Variants in ADGRB3 observed in about 807,000 individuals in gnomAD.
ADGRB3 encodes brain-specific angiogenesis inhibitor 3.
Under a neutral mutation model 193.4 loss-of-function variants are expected in ADGRB3, and 37 were observed. The ratio of observed to expected loss-of-function variants is 0.19; its 90% CI spans 0.15 to 0.25. ADGRB3 has a LOEUF of 0.25. ADGRB3 is among the 10% of genes least tolerant of loss of function. The pLI is 1.00. For synonymous variants in ADGRB3, 690 were observed against 644.2 expected (o/e 1.07, Z -1.08); for missense variants, 1,637 against 1,852.9 (o/e 0.88, Z 2.14).
intron 3 of ADGRB3, among the ~76,000 whole-genome samples, chr6:68,815,100 C>A (rs1024042522): frequency 6.6e-5 from 10 of 152,164 alleles, no homozygotes; most frequent in South Asian, 2.1e-4. Context: ...CCCTCTCTCA[C>A]CACTCCTATT....
At chr6:68,894,640 GA>G (rs952011121) in intron 3 of ADGRB3, among the ~76,000 whole-genome samples, 14 of 151,750 alleles carry the variant, frequency 9.2e-5, no homozygotes, top group South Asian at 2.1e-4. Context: ...GGTTAGTATA[GA>G]AAAAAAATTG....
At chr6:69,379,100 G>T (rs571919730) in intron 30 of ADGRB3, among the ~76,000 whole-genome samples, 3 of 152,130 alleles carry the variant, frequency 2.0e-5, no homozygotes, top group South Asian at 2.1e-4. Context: ...TAATATGAAT[G>T]CAAGGAAACA....
rs575294646 is a variant in ADGRB3 at position 69,360,715 on chromosome 6, A to G, written c.3596-154A>G. On this transcript the variant is annotated intron_variant, in intron 28 of 31. Transcript: ENST00000370598. ...AGTGATTGAGTAATCTCTCTGGACC[A>G]TGTACAAACAAATTGATATGTATTT... 3.8e-4 allele frequency among the ~76,000 whole-genome samples: 58 copies of G among 152,120 alleles called. 1 individual carries two copies. Among genetic ancestry groups the G allele is most frequent in the Admixed American group, 3.2e-3 (48 of 15,216 alleles).
chr6:68,753,045 A>G (rs1042862649), intron 3 of ADGRB3, among the ~76,000 whole-genome samples: 1 of 152,302 alleles, frequency 6.6e-6, no homozygotes, highest in East Asian at 1.9e-4. Flanking sequence ...TAATGACATG[A>G]GCCTGAATAT....
At chr6:69,332,672 G>A in intron 23 of ADGRB3, 12 of 985,416 alleles carry the variant, frequency 1.2e-5, no homozygotes, top group Non-Finnish European at 1.4e-5. Context: ...GCAATTGAAG[G>A]TTAATTTCCC....
chr6:69,319,368 C>G (rs906956347), intron 20 of ADGRB3, among the ~76,000 whole-genome samples: 1 of 151,208 alleles, frequency 6.6e-6, no homozygotes, highest in Non-Finnish European at 1.5e-5. Context: ...TATTTTATTT[C>G]ACTTTCTATC....
At chr6:69,157,178 C>G (rs1774865301) in intron 17 of ADGRB3, among the ~76,000 whole-genome samples, 1 of 152,128 alleles carries the variant, frequency 6.6e-6, no homozygotes, top group Non-Finnish European at 1.5e-5. Flanking sequence ...TTTATAGGAT[C>G]AATGTGAGAA....
At chr6:69,119,459 G>A (rs1317495640) in intron 17 of ADGRB3, among the ~76,000 whole-genome samples, 4 of 152,190 alleles carry the variant, frequency 2.6e-5, no homozygotes, top group African/African-American at 9.6e-5. Context: ...ATTATACAAG[G>A]TAATATGTGC....
chr6:69,122,015 GGCA>G (rs1204806063), intron 17 of ADGRB3, among the ~76,000 whole-genome samples: 1 of 150,444 alleles, frequency 6.6e-6, no homozygotes, highest in Non-Finnish European at 1.5e-5. Context: ...CAGACAGGGT[GGCA>G]GCCAGGCAGA....
chr6:69,301,378 T>C (rs1767945652), intron 20 of ADGRB3, among the ~76,000 whole-genome samples: 1 of 152,020 alleles, frequency 6.6e-6, no homozygotes, highest in South Asian at 2.1e-4. Context: ...AATAATTGCA[T>C]AGCCACCTCC....
rs72010174 is a variant in ADGRB3, at chr6:68,887,070, T to TACAC, written c.758-43475_758-43472dup. ...TAACTCTGTTGTAAATATATATATA[T>TACAC]ACACACACACACACACATACATATA... On this transcript the variant is annotated intron_variant, in intron 3 of 31. Transcript: ENST00000370598. 2.0e-5 allele frequency among the ~76,000 whole-genome samples: 3 copies of TACAC among 151,004 alleles called. No homozygotes were observed. The East Asian group carries it at 5.9e-4, about 29-fold the overall frequency.
At chr6:69,256,356 G>A (rs1016500204) in intron 20 of ADGRB3, among the ~76,000 whole-genome samples, 1 of 152,138 alleles carries the variant, frequency 6.6e-6, no homozygotes, top group African/African-American at 2.4e-5. Flanking sequence ...TCTTCCATTT[G>A]TTTGTATCCT....
At chr6:68,904,408 T>C (rs1373537740) in intron 3 of ADGRB3, among the ~76,000 whole-genome samples, 1 of 152,216 alleles carries the variant, frequency 6.6e-6, no homozygotes, top group Admixed American at 6.5e-5. Flanking sequence ...AACATCATTA[T>C]GTTGCATATG....
chr6:69,038,442 T>TG (rs5877189), intron 13 of ADGRB3, among the ~76,000 whole-genome samples: 64,533 of 151,992 alleles, frequency 0.42, 14,374 homozygotes, highest in African/African-American at 0.47. Context: ...GCAGGAATGC[T>TG]GTTCTTAGTC....
chr6:68,967,040 G>T (rs1424329820), intron 8 of ADGRB3, among the ~76,000 whole-genome samples: 1 of 152,154 alleles, frequency 6.6e-6, no homozygotes, highest in Non-Finnish European at 1.5e-5. Flanking sequence ...TAAAGCAGCT[G>T]TACCGTTTGA....
At chr6:69,180,613 A>G (rs1582523817) in intron 17 of ADGRB3, among the ~76,000 whole-genome samples, 1 of 152,196 alleles carries the variant, frequency 6.6e-6, no homozygotes, top group Admixed American at 6.5e-5. Context: ...ACAATGACAT[A>G]CACAGACCAG....
intron 3 of ADGRB3, among the ~76,000 whole-genome samples, chr6:68,668,016 A>G (rs1341796049): frequency 2.0e-5 from 3 of 151,866 alleles, no homozygotes; most frequent in Non-Finnish European, 2.9e-5. Flanking sequence ...TAACCTTGTG[A>G]AACTATAAAT....
At chr6:68,896,209 G>A (rs753576226) in intron 3 of ADGRB3, among the ~76,000 whole-genome samples, 1 of 152,052 alleles carries the variant, frequency 6.6e-6, no homozygotes, top group Non-Finnish European at 1.5e-5. Context: ...AATCACGTTA[G>A]GTTTTGAAAA....
intron 17 of ADGRB3, among the ~76,000 whole-genome samples, chr6:69,202,326 T>C (rs879717682): frequency 6.6e-6 from 1 of 152,152 alleles, no homozygotes; most frequent in Non-Finnish European, 1.5e-5. Flanking sequence ...AAAACCTCTA[T>C]ACTTTTCTAT....
Sources: gnomAD v4.1 joint callset for allele counts (sites outside exome capture counted in the v4.1 genomes callset) on GRCh38, gnomAD v4.1.1 for gene constraint, MANE v1.5 for transcripts, NCBI Gene and HGNC (gene_info 2026-07-23, HGNC 2026-07-21) for gene names.